The following EPHA7 variants were observed in gnomAD, a reference collection of about 807,000 sequenced individuals.
The protein encoded by EPHA7 is EPH receptor A7.
Under a neutral mutation model 112.6 loss-of-function variants are expected in EPHA7, and 25 were observed. That is an observed-to-expected ratio of 0.22 (90% CI 0.16 to 0.31). The LOEUF (loss-of-function observed/expected upper bound fraction) is 0.31, where lower values mean the gene tolerates loss of function less well. Ranked by LOEUF, EPHA7 falls within the 10% of genes least tolerant of loss-of-function variation. The pLI is 1.00. For missense variants in EPHA7, 962 were observed against 1,212.6 expected, an observed-to-expected ratio of 0.79 and a Z score of 3.07; for synonymous variants, 437 against 406.5, an observed-to-expected ratio of 1.07 and a Z score of -0.90.
At chr6:93,412,065 G>A (rs561656278) in intron 2 of EPHA7, among the ~76,000 whole-genome samples, 37 of 151,984 alleles carry the variant, frequency 2.4e-4, no homozygotes, top group South Asian at 8.3e-4. Context: ...ATATTCTGTC[G>A]CTCATTAATC....
chr6:93,244,356 C>A (rs1769848769), intron 16 of EPHA7, among the ~76,000 whole-genome samples: 1 of 152,052 alleles, frequency 6.6e-6, no homozygotes, highest in South Asian at 2.1e-4. Context: ...CACACTTAAA[C>A]CCATGTACGT....
intron 15 of EPHA7, 151 bp downstream of exon 15, chr6:93,246,641 A>G: frequency 1.7e-6 from 1 of 583,466 alleles, no homozygotes; most frequent in East Asian, 2.9e-5. Context: ...CTGAAAAGAA[A>G]AAAATAAACT....
chr6:93,326,219 T>C (rs1418096008), intron 5 of EPHA7, among the ~76,000 whole-genome samples: 1 of 151,376 alleles, frequency 6.6e-6, no homozygotes, highest in East Asian at 1.9e-4. Context: ...TGAGAGGCTA[T>C]GTTCATGTCA....
intron 3 of EPHA7, among the ~76,000 whole-genome samples, chr6:93,365,030 A>G (rs931168934): frequency 1.3e-5 from 2 of 152,214 alleles, no homozygotes; most frequent in African/African-American, 4.8e-5. Flanking sequence ...TTACTTTGCC[A>G]GATGAGGTCT....
chr6:93,366,253 A>T (rs1776503507), intron 3 of EPHA7, among the ~76,000 whole-genome samples: 1 of 152,218 alleles, frequency 6.6e-6, no homozygotes, highest in Non-Finnish European at 1.5e-5. Flanking sequence ...AAAGAGATTC[A>T]GATTTTAATT....
chr6:93,348,195 G>A (rs1369374919), intron 5 of EPHA7, among the ~76,000 whole-genome samples: 2 of 151,698 alleles, frequency 1.3e-5, no homozygotes, highest in Non-Finnish European at 2.9e-5. Context: ...AGATTAGGGT[G>A]TGGGGATGAG....
rs1165074144 is a variant in EPHA7, at chr6:93,262,493, T to C, written c.1798+1367A>G. 2.0e-5 allele frequency among the ~76,000 whole-genome samples: 3 copies of C among 151,368 alleles called. No individual in the cohort carries two copies. In the East Asian group the frequency reaches 5.8e-4, roughly 29 times the overall value. On this transcript the variant is annotated intron_variant, in intron 9 of 16. Transcript: ENST00000369303. ...TTTTAGGGGAAAGAATACATGATTA[T>C]ATACATAAATTTGCTACAGCACTCC... is the stretch of plus-strand genomic sequence containing the variant.
In EPHA7 at chr6:93,242,537, A is replaced by T. The variant is rs2127843483; in HGVS notation, c.*889T>A. 5.0e-6 allele frequency: 1 copy of T among 201,864 alleles called. No homozygotes were observed. The highest frequency in any genetic ancestry group is 1.9e-4 in the South Asian group (1 of 5,272). The allele number at this position is 201,864 out of a possible 1,614,324, so 12.5% of individuals were successfully genotyped here. A position where few individuals can be genotyped will look rare whatever the true frequency, so the allele number is the denominator to read the frequency against. ...GTTCTGCTTTCAGAGACTTGCCTTC[A>T]CCAACATTCTTCAGATGAAGTGCCT... On this transcript the variant is annotated 3_prime_UTR_variant, in exon 17 of 17. Transcript: ENST00000369303.
intron 16 of EPHA7, 110 bp from the exon 17 acceptor site, chr6:93,243,650 A>G: frequency 1.4e-6 from 1 of 726,466 alleles, no homozygotes; most frequent in Non-Finnish European, 2.4e-6. Flanking sequence ...AATAGATCTT[A>G]TCTTAGTGTT....
intron 3 of EPHA7, among the ~76,000 whole-genome samples, chr6:93,404,002 A>C (rs1215108914): frequency 1.3e-5 from 2 of 152,166 alleles, no homozygotes; most frequent in Non-Finnish European, 2.9e-5. Context: ...GGGCATGCTT[A>C]AGGCAGAGTG....
intron 5 of EPHA7, among the ~76,000 whole-genome samples, chr6:93,278,371 T>G (rs1771568066): frequency 6.6e-6 from 1 of 152,018 alleles, no homozygotes. Flanking sequence ...AGATAAAATT[T>G]TGAACACAGT....
intron 5 of EPHA7, among the ~76,000 whole-genome samples, chr6:93,303,328 A>G (rs538019950): frequency 1.3e-5 from 2 of 152,272 alleles, no homozygotes; most frequent in African/African-American, 4.8e-5. Flanking sequence ...ATAGCTTGCT[A>G]ACCTATCTCC....
intron 3 of EPHA7, among the ~76,000 whole-genome samples, chr6:93,388,900 T>C (rs926035446): frequency 8.5e-5 from 13 of 152,102 alleles, no homozygotes; most frequent in Admixed American, 8.5e-4. Context: ...AATCATAACA[T>C]GATTGAATTT....
chr6:93,353,107 T>A lies in EPHA7; in HGVS notation c.1324+3610A>T, dbSNP rs78403289. On this transcript the variant is annotated intron_variant, in intron 5 of 16. Coordinates refer to ENST00000369303, the MANE Select transcript of EPHA7 (RefSeq NM_004440.4). ...TTAACATAAAAGGTTAAAAAAGGCA[T>A]TTTTTAAAGAGAACTTTTAAATATA... Among the ~76,000 whole-genome samples, 1,268 of 152,186 alleles carry A rather than the reference T, an allele frequency of 8.3e-3. 16 individuals carry two copies. Among genetic ancestry groups the A allele is most frequent in the African/African-American group, 0.028 (1,163 of 41,542 alleles).
At chr6:93,260,546 G>C (rs544176225) in intron 9 of EPHA7, 32 of 959,390 alleles carry the variant, frequency 3.3e-5, no homozygotes, top group Non-Finnish European at 4.0e-5. Flanking sequence ...ACTATTTGGA[G>C]AACAATATAT....
chr6:93,350,843 T>C (rs934587285), intron 5 of EPHA7, among the ~76,000 whole-genome samples: 11 of 152,054 alleles, frequency 7.2e-5, no homozygotes, highest in Admixed American at 3.3e-4. Context: ...GTTACTTTCC[T>C]GTTCAAAAAC....
intron 4 of EPHA7, among the ~76,000 whole-genome samples, chr6:93,357,677 A>G (rs1468834069): frequency 1.2e-4 from 17 of 145,544 alleles, no homozygotes; most frequent in African/African-American, 3.6e-4. Flanking sequence ...TTTTGAGACG[A>G]GGTTTCATTC....
intron 5 of EPHA7, among the ~76,000 whole-genome samples, chr6:93,347,486 T>A (rs1178675224): frequency 1.3e-5 from 2 of 151,866 alleles, no homozygotes; most frequent in African/African-American, 4.8e-5. Flanking sequence ...TCATTTCTTG[T>A]CCCATAAATA....
intron 3 of EPHA7, among the ~76,000 whole-genome samples, chr6:93,378,071 A>G (rs1777150616): frequency 6.6e-6 from 1 of 151,522 alleles, no homozygotes; most frequent in Non-Finnish European, 1.5e-5. Flanking sequence ...TATAACTGAA[A>G]CCTGCAGAAA....
Sources: gnomAD v4.1 joint callset for allele counts (sites outside exome capture counted in the v4.1 genomes callset) on GRCh38, gnomAD v4.1.1 for gene constraint, MANE v1.5 for transcripts, NCBI Gene and HGNC (gene_info 2026-07-23, HGNC 2026-07-21) for gene names.